The following NFIA variants were observed in gnomAD, a reference collection of about 807,000 sequenced individuals.
The protein encoded by NFIA is nuclear factor 1 A-type.
NFIA carries 8 observed loss-of-function variants against 62.8 expected under a neutral mutation model. The ratio of observed to expected loss-of-function variants is 0.13; its 90% CI spans 0.07 to 0.23. The LOEUF is 0.23. NFIA is among the 10% of genes least tolerant of loss of function. NFIA has a pLI of 1.00. For missense variants in NFIA, 410 were observed against 642.1 expected, an observed-to-expected ratio of 0.64 and a Z score of 3.91; for synonymous variants, 235 against 238.1, an observed-to-expected ratio of 0.99 and a Z score of 0.12.
At chr1:61,247,090 C>T (rs1014756781) in intron 2 of NFIA, among the ~76,000 whole-genome samples, 4 of 152,174 alleles carry the variant, frequency 2.6e-5, no homozygotes, top group African/African-American at 9.7e-5. Context: ...ATTCATTCTT[C>T]CAGCCATCTG....
In NFIA at chr1:61,082,795, T is replaced by A; in HGVS notation, c.4T>A (p.Tyr2Asn). M[Y>N]SPLCLTQDEF... is the part of the protein sequence containing the mutation. ...CATACCCCAGCGCCCGGCAGTTATG[T>A]ATTCTCCGCTCTGTCTCACCCAGGT... The change falls in exon 1 of 11, where the codon TAT becomes AAT. Residue 2 changes from tyrosine (Y) to asparagine (N), a missense_variant. Transcript: ENST00000403491. The A allele has an allele frequency of 6.4e-7, 1 of 1,550,948 alleles. No homozygotes were observed. The highest frequency in any genetic ancestry group is 1.2e-5 in the South Asian group (1 of 84,096).
At chr1:61,108,566 C>G (rs568502818) in intron 2 of NFIA, among the ~76,000 whole-genome samples, 1 of 151,692 alleles carries the variant, frequency 6.6e-6, no homozygotes, top group South Asian at 2.1e-4. Context: ...ATGCTTTTAT[C>G]TTCCTTACCC....
At chr1:61,261,072 A>G (rs554022554) in intron 2 of NFIA, among the ~76,000 whole-genome samples, 12 of 152,342 alleles carry the variant, frequency 7.9e-5, no homozygotes, top group Non-Finnish European at 1.3e-4. Flanking sequence ...CAGTCAAATA[A>G]TTTAGGAATT....
At chr1:61,420,995 T>C (rs9436644) in intron 9 of NFIA, among the ~76,000 whole-genome samples, 26,984 of 152,070 alleles carry the variant, frequency 0.18, 2,727 homozygotes, top group East Asian at 0.44. Context: ...CCTCCACAAT[T>C]GCCAGCTCCG....
intron 2 of NFIA, among the ~76,000 whole-genome samples, chr1:61,215,887 G>T (rs1653584585): frequency 6.6e-6 from 1 of 152,202 alleles, no homozygotes; most frequent in Admixed American, 6.5e-5. Context: ...AAAATGAACA[G>T]CACATGAAAG....
intron 3 of NFIA, among the ~76,000 whole-genome samples, chr1:61,314,195 T>C (rs1262685071): frequency 6.6e-6 from 1 of 152,162 alleles, no homozygotes; most frequent in African/African-American, 2.4e-5. Context: ...TCCCTAGCCC[T>C]TTCACTAGTT....
intron 2 of NFIA, among the ~76,000 whole-genome samples, chr1:61,246,714 C>T (rs1201254599): frequency 6.6e-6 from 1 of 152,106 alleles, no homozygotes; most frequent in African/African-American, 2.4e-5. Context: ...AGGCTAATAT[C>T]TCTTATTAAT....
intron 3 of NFIA, among the ~76,000 whole-genome samples, chr1:61,325,777 G>A (rs1192613047): frequency 1.3e-5 from 2 of 151,998 alleles, no homozygotes; most frequent in South Asian, 2.1e-4. Context: ...AATTAGCAGG[G>A]CGTGGTGGCA....
chr1:61,174,287 G>A (rs564093642), intron 2 of NFIA, among the ~76,000 whole-genome samples: 1 of 152,330 alleles, frequency 6.6e-6, no homozygotes, highest in South Asian at 2.1e-4. Context: ...GGCCAGGGTA[G>A]TTTGCAAAGC....
intron 3 of NFIA, among the ~76,000 whole-genome samples, chr1:61,328,248 GCTCTTTC>G (rs1661068498): frequency 1.3e-5 from 2 of 152,016 alleles, no homozygotes; most frequent in South Asian, 4.2e-4. Flanking sequence ...CCAACATCTT[GCTCTTTC>G]CTGCCTCAGG....
At chr1:61,232,296 A>G (rs2100633180) in intron 2 of NFIA, among the ~76,000 whole-genome samples, 1 of 152,346 alleles carries the variant, frequency 6.6e-6, no homozygotes, top group East Asian at 1.9e-4. Context: ...ATCCAAGTTT[A>G]CAAATATTCC....
At chr1:61,446,706 A>G (rs1667826637) in intron 10 of NFIA, among the ~76,000 whole-genome samples, 1 of 152,204 alleles carries the variant, frequency 6.6e-6, no homozygotes, top group African/African-American at 2.4e-5. Flanking sequence ...CTGTTGCAGG[A>G]TGTATCTGGG....
At chr1:61,112,633 G>A (rs184458941) in intron 2 of NFIA, among the ~76,000 whole-genome samples, 1 of 152,294 alleles carries the variant, frequency 6.6e-6, no homozygotes, top group East Asian at 1.9e-4. Context: ...GCTCACATCT[G>A]TAATCAGAAA....
At chr1:61,242,817 C>T (rs975223215) in intron 2 of NFIA, among the ~76,000 whole-genome samples, 2 of 151,920 alleles carry the variant, frequency 1.3e-5, no homozygotes, top group Admixed American at 6.6e-5. Context: ...AAGGTACTGG[C>T]GTTTTGTTTT....
intron 2 of NFIA, among the ~76,000 whole-genome samples, chr1:61,134,245 AGTGTGTGTGT>A (rs61677972): frequency 0.069 from 10,082 of 146,256 alleles, 795 homozygotes; most frequent in East Asian, 0.32. Context: ...TGTGTGTGTG[AGTGTGTGTGT>A]GTGTGTGTGT....
intron 3 of NFIA, among the ~76,000 whole-genome samples, chr1:61,303,306 TA>T (rs1451568200): frequency 6.6e-6 from 1 of 152,198 alleles, no homozygotes; most frequent in Non-Finnish European, 1.5e-5. Flanking sequence ...CACTGAATAA[TA>T]AAATCCCTGC....
At chr1:61,081,318 CCT>C (rs963750286), upstream of NFIA, among the ~76,000 whole-genome samples, 2 of 151,876 alleles carry the variant, frequency 1.3e-5, no homozygotes, top group Non-Finnish European at 2.9e-5. Context: ...AAACCACCCC[CCT>C]CTTTTCTGCC....
At chr1:61,241,705 C>T (rs1438070452) in intron 2 of NFIA, among the ~76,000 whole-genome samples, 1 of 151,922 alleles carries the variant, frequency 6.6e-6, no homozygotes. Flanking sequence ...AACCACAAAC[C>T]CGAAGATGCA....
At chr1:61,220,292 A>G (rs1653938079) in intron 2 of NFIA, among the ~76,000 whole-genome samples, 1 of 152,180 alleles carries the variant, frequency 6.6e-6, no homozygotes, top group African/African-American at 2.4e-5. Flanking sequence ...CTCCCTATCC[A>G]TCAGAGAATA....
Sources: gnomAD v4.1 joint callset for allele counts (sites outside exome capture counted in the v4.1 genomes callset) on GRCh38, gnomAD v4.1.1 for gene constraint, MANE v1.5 for transcripts, NCBI Gene and HGNC (gene_info 2026-07-23, HGNC 2026-07-21) for gene names.